The following NCOR2 variants were observed in gnomAD, a reference collection of about 807,000 sequenced individuals.
The protein encoded by NCOR2 is nuclear receptor corepressor 2.
NCOR2 carries 81 observed loss-of-function variants against 262.9 expected under a neutral mutation model. That is an observed-to-expected ratio of 0.31 (90% confidence interval 0.26 to 0.37). The LOEUF (loss-of-function observed/expected upper bound fraction) is 0.37. NCOR2 is among the 10% of genes least tolerant of loss of function. NCOR2 has a pLI of 1.00. For missense variants in NCOR2, 3,385 were observed against 3,621.4 expected (o/e 0.93, Z 1.68); for synonymous variants, 1,659 against 1,559.3 (o/e 1.06, Z -1.51).
intron 13 of NCOR2, among the ~76,000 whole-genome samples, chr12:124,407,934 C>T (rs1218795846): frequency 6.6e-6 from 1 of 152,228 alleles, no homozygotes; most frequent in Non-Finnish European, 1.5e-5. Context: ...ACAGGGTTCC[C>T]TGTTGCTGGC....
At chr12:124,428,237 CAG>C (rs373353158) in intron 10 of NCOR2, among the ~76,000 whole-genome samples, 584 of 152,334 alleles carry the variant, frequency 3.8e-3, no homozygotes, top group Middle Eastern at 0.017. Context: ...ATCGGTGAGA[CAG>C]GGGCTGACAC....
chr12:124,338,583 G>GCCCACAGT (rs1324261660), intron 37 of NCOR2, among the ~76,000 whole-genome samples: 4 of 151,158 alleles, frequency 2.6e-5, no homozygotes, highest in Non-Finnish European at 5.9e-5. Flanking sequence ...AAGCAGCTCT[G>GCCCACAGT]CCCACAGTCT....
Position 124,432,811 on chromosome 12 carries a change from A to C in NCOR2, c.883-2024T>G, listed in dbSNP as rs2044044115. On this transcript the variant is annotated intron_variant, in intron 8 of 46. Coordinates refer to ENST00000405201, the Ensembl canonical transcript of NCOR2. This position sits in a 1 kb window ranked among gnomAD's most constrained non-coding sequence, Gnocchi z 5.1. Reference sequence around the variant, plus strand: ...AAGAGATCCCCAATCAGCCCAGAGCATAGCTGCCTGGCTTCCACATCTCCA... The same window carrying C: ...AAGAGATCCCCAATCAGCCCAGAGCCTAGCTGCCTGGCTTCCACATCTCCA... Among the ~76,000 whole-genome samples the C allele has an allele frequency of 1.4e-5, 2 of 138,098 alleles. No individual in the cohort carries two copies. The highest frequency in any genetic ancestry group is 7.8e-5 in the Admixed American group (1 of 12,826). The allele number at this position is 138,098 out of a possible 152,430, so 90.6% of individuals were successfully genotyped here.
upstream of NCOR2, among the ~76,000 whole-genome samples, chr12:124,499,699 G>C (rs919276189): frequency 3.3e-5 from 5 of 152,176 alleles, no homozygotes; most frequent in Non-Finnish European, 4.4e-5. Context: ...AATATGGGGG[G>C]AAGTGGGGAC....
intron 5 of NCOR2, among the ~76,000 whole-genome samples, chr12:124,464,700 C>T (rs1319117998): frequency 6.6e-6 from 1 of 152,198 alleles, no homozygotes; most frequent in Admixed American, 6.5e-5. Flanking sequence ...TAGGAAATTA[C>T]CCCTTTAGTC....
At chr12:124,437,863 GC>G in intron 8 of NCOR2, 66 bp downstream of exon 10, 2 of 1,470,922 alleles carry the variant, frequency 1.4e-6, no homozygotes, top group Non-Finnish European at 1.9e-6. Context: ...GGCAGGTGTG[GC>G]CCCCTGTGCG....
chr12:124,525,332 T>C (rs1210376878), intron 1 of NCOR2, among the ~76,000 whole-genome samples: 5 of 152,346 alleles, frequency 3.3e-5, no homozygotes, highest in Non-Finnish European at 5.9e-5. Flanking sequence ...CCTGGAATTC[T>C]TACCTAAAAT....
At position 124,443,591 on chromosome 12, in the gene NCOR2, C is replaced by T. The variant is rs1271829872; in HGVS notation, c.816-5595G>A. ...AATCTCGGCTCACTGCAACCTCTGCCTCCCGGGTTCAAGTGATTGTCCTGC... is the reference window on the plus strand; with the variant it reads ...AATCTCGGCTCACTGCAACCTCTGCTTCCCGGGTTCAAGTGATTGTCCTGC... On this transcript the variant is annotated intron_variant, in intron 7 of 46. Transcript: ENST00000405201. The surrounding 1 kb of genome is among the most constrained non-coding windows in gnomAD (Gnocchi z 4.4). Among the ~76,000 whole-genome samples, 9 of 152,136 alleles carry T rather than the reference C, an allele frequency of 5.9e-5. No homozygotes were observed. The highest frequency in any genetic ancestry group is 1.5e-5 in the Non-Finnish European group (1 of 68,026).
chr12:124,458,542 G>A lies in NCOR2; in HGVS notation c.706-1380C>T, dbSNP rs142335189. ...GGCTGGGGGCCAGAAGAGCAGGGGA[G>A]AACTATTACAGCGATGGTCACTTCT... On this transcript the variant is annotated intron_variant, in intron 5 of 46. Coordinates refer to ENST00000405201, the Ensembl canonical transcript of NCOR2. Among the ~76,000 whole-genome samples the A allele has an allele frequency of 4.1e-3, 627 of 152,302 alleles. 4 individuals carry two copies. The highest frequency in any genetic ancestry group is 0.014 in the Middle Eastern group (4 of 294).
chr12:124,387,433 G>A (rs1232905187), intron 16 of NCOR2, among the ~76,000 whole-genome samples: 1 of 152,224 alleles, frequency 6.6e-6, no homozygotes, highest in African/African-American at 2.4e-5. Context: ...CCATCCCCAG[G>A]AGGGGGAAAT....
At chr12:124,357,888 G>A (rs1409128764) in intron 22 of NCOR2, among the ~76,000 whole-genome samples, 4 of 149,030 alleles carry the variant, frequency 2.7e-5, no homozygotes, top group Non-Finnish European at 5.9e-5. Context: ...AATGTTGAAG[G>A]AGGTAACCTG....
chr12:124,339,914 A>G, intron 37 of NCOR2, 92 bp downstream of exon 39: 1 of 1,167,278 alleles, frequency 8.6e-7, no homozygotes, highest in Non-Finnish European at 1.2e-6. Flanking sequence ...CACCTCCCAT[A>G]TACCTCCCAC....
intron 1 of NCOR2, among the ~76,000 whole-genome samples, chr12:124,564,084 C>T (rs1051624181): frequency 3.9e-5 from 6 of 152,242 alleles, no homozygotes; most frequent in Non-Finnish European, 5.9e-5. Flanking sequence ...GCGTAGAGCA[C>T]GGTTCCTGGC....
At chr12:124,430,817 A>T in intron 8 of NCOR2, 30 bp from the exon 11 acceptor site, 1 of 1,576,748 alleles carries the variant, frequency 6.3e-7, no homozygotes, top group Non-Finnish European at 8.6e-7. Flanking sequence ...ACTGCGGAAG[A>T]TGCTCCTGCA....
chr12:124,433,132 A>G (rs1197034419), intron 8 of NCOR2, among the ~76,000 whole-genome samples: 2 of 152,182 alleles, frequency 1.3e-5, no homozygotes, highest in Non-Finnish European at 2.9e-5. Flanking sequence ...GGTCCCCACG[A>G]GGTGGCCAGG....
rs1372730196 is a variant in NCOR2 at position 124,387,677 on chromosome 12, C to T, written c.1877-1790G>A. 5.9e-5 allele frequency among the ~76,000 whole-genome samples: 9 copies of T among 152,328 alleles called. No individual in the cohort carries two copies. In the East Asian group the frequency reaches 1.5e-3, roughly 26 times the overall value. ...CAGGCGCAGAAGGGGAGGGCCGGGG[C>T]GTGGGATCAAGTGGCACCCGGCCCC... is the stretch of plus-strand genomic sequence containing the variant. On this transcript the variant is annotated intron_variant, in intron 16 of 46. Coordinates refer to ENST00000405201, the Ensembl canonical transcript of NCOR2.
Position 124,355,420 on chromosome 12 carries a change from G to T in NCOR2, c.3381+12C>A. 1 of 1,613,168 alleles carries T rather than the reference G, an allele frequency of 6.2e-7. No individual in the cohort carries two copies. The highest frequency in any genetic ancestry group is 8.5e-7 in the Non-Finnish European group (1 of 1,179,726). ...AGACTAAGCCCCCAAGAAAGGAAGG[G>T]CTACCACTCACTTGGGAGATGGCAC... On this transcript the variant is annotated intron_variant, in intron 24 of 46. Transcript: ENST00000405201.
At chr12:124,510,422 CCAACA>C (rs891059189) in intron 1 of NCOR2, among the ~76,000 whole-genome samples, 4 of 152,256 alleles carry the variant, frequency 2.6e-5, no homozygotes, top group Non-Finnish European at 5.9e-5. Flanking sequence ...CAGCCAGTCC[CCAACA>C]CAACACTTGG....
intron 22 of NCOR2, among the ~76,000 whole-genome samples, chr12:124,357,136 T>A (rs1405508262): frequency 6.6e-6 from 1 of 152,192 alleles, no homozygotes; most frequent in Admixed American, 6.5e-5. Flanking sequence ...AAATGGTATC[T>A]CAGAGGGTCT....
Sources: allele counts gnomAD v4.1 joint callset (sites outside exome capture counted in the v4.1 genomes callset), GRCh38; gene constraint gnomAD v4.1.1; non-coding constraint Gnocchi (gnomAD v3.1); transcripts MANE v1.5; gene names NCBI Gene and HGNC (gene_info 2026-07-23, HGNC 2026-07-21).